Variants in AMOTL2 observed in about 807,000 individuals in gnomAD.
AMOTL2 encodes the protein angiomotin like 2, also known as angiomotin-like protein 2.
AMOTL2 carries 33 observed loss-of-function variants against 78.4 expected under a neutral mutation model. That is an observed-to-expected ratio of 0.42 (90% CI 0.32 to 0.56). The LOEUF is 0.56. Ranked by LOEUF, AMOTL2 falls within the 20% of genes least tolerant of loss-of-function variation. The pLI is 0.12. For synonymous variants in AMOTL2, 422 were observed against 428.8 expected (o/e 0.98, Z 0.20); for missense variants, 983 against 1,030.1 (o/e 0.95, Z 0.63).
intron 3 of AMOTL2, 121 bp downstream of exon 3, chr3:134,367,376 A>T: frequency 8.5e-7 from 1 of 1,174,190 alleles, no homozygotes. Context: ...ACAGAGGGAT[A>T]GGGAGAAATC....
At chr3:134,362,964 A>T (rs1490484884) in intron 5 of AMOTL2, among the ~76,000 whole-genome samples, 3 of 152,256 alleles carry the variant, frequency 2.0e-5, no homozygotes, top group African/African-American at 7.2e-5. Context: ...GAATTGTTCT[A>T]TACGGCACCC....
chr3:134,368,543 GGCATTGCTCTGTT>G (rs1480470564), intron 2 of AMOTL2, among the ~76,000 whole-genome samples: 1 of 152,170 alleles, frequency 6.6e-6, no homozygotes, highest in Non-Finnish European at 1.5e-5. Context: ...CCACAGACTG[GGCATTGCTCTGTT>G]GCATCATGAG....
Position 134,357,028 on chromosome 3 carries a change from C to T in AMOTL2, c.*677G>A, listed in dbSNP as rs1191487544. The T allele has an allele frequency of 1.3e-5, 2 of 152,778 alleles. No homozygotes were observed. The highest frequency in any genetic ancestry group is 2.9e-5 in the Non-Finnish European group (2 of 68,218). The allele number at this position is 152,778 out of a possible 1,614,324, so 9.5% of individuals were successfully genotyped here. On this transcript the variant is annotated 3_prime_UTR_variant, in exon 10 of 10. Coordinates refer to ENST00000249883, the MANE Select transcript of AMOTL2 (RefSeq NM_016201.4). ...ATGGAGACACATCGGAACCTGCAGGCCTCAGTCTTCTGTTCCACAAGAAAG... is the reference window on the plus strand; with the variant it reads ...ATGGAGACACATCGGAACCTGCAGGTCTCAGTCTTCTGTTCCACAAGAAAG...
rs758563988 is a variant in AMOTL2 at position 134,366,381 on chromosome 3, G to C, written c.1088C>G (p.Thr363Ser). ...GGCCTCACGCTTGGAGGAGGCTCTG[G>C]TCAGGCTCTCATGGGCCTCAGAGAG... ...QRLSEAHESL[T>S]RASSKREALE... Residue 363 changes from threonine (T) to serine (S), a missense_variant, in exon 4 of 10, where the codon ACC becomes AGC. Transcript: ENST00000249883. The C allele has an allele frequency of 5.0e-6, 8 of 1,613,984 alleles. No individual in the cohort carries two copies. The highest frequency in any genetic ancestry group is 6.8e-6 in the Non-Finnish European group (8 of 1,180,010).
At chr3:134,371,955 A>C in intron 1 of AMOTL2, 1 of 172,902 alleles carries the variant, frequency 5.8e-6, no homozygotes, top group Non-Finnish European at 1.3e-5. Flanking sequence ...CCTAGTTCAG[A>C]TCTAACCACT....
rs1042607372 is a variant in AMOTL2, at chr3:134,366,334, T to C, written c.1135A>G (p.Lys379Glu). ...AGCCTCCTCATTTCACTGTCCATCTTGTTCCGCATGGTCTTCTCCAGGGCC... is the reference window on the plus strand; with the variant it reads ...AGCCTCCTCATTTCACTGTCCATCTCGTTCCGCATGGTCTTCTCCAGGGCC... ...REALEKTMRN[K>E]MDSEMRRLQD... Residue 379 changes from lysine to glutamate, a missense_variant, in exon 4 of 10, where the codon AAG (lysine) becomes GAG (glutamate). Transcript: ENST00000249883. The C allele has an allele frequency of 1.7e-5, 27 of 1,614,064 alleles. No homozygotes were observed. In the East Asian group the frequency reaches 6.0e-4, roughly 36 times the overall value.
Position 134,357,585 on chromosome 3 carries a change from A to G in AMOTL2, c.*120T>C. 9.6e-7 allele frequency: 1 copy of G among 1,042,960 alleles called. No individual in the cohort carries two copies. Among genetic ancestry groups the G allele is most frequent in the Non-Finnish European group, 1.5e-6 (1 of 667,396 alleles). 64.6% of individuals were successfully genotyped at this position (1,042,960 alleles called of 1,614,324 possible). The stretch of plus-strand genomic sequence containing the variant: ...TCCTGGGACCAGATGGTCAATGGGA[A>G]TGAGTGTCTGGCTGGGGAAAGGGAC... On this transcript the variant is annotated 3_prime_UTR_variant, in exon 10 of 10. Transcript: ENST00000249883.
Position 134,370,864 on chromosome 3 carries a change from G to C in AMOTL2, c.570C>G (p.Asn190Lys), listed in dbSNP as rs776030138. 9.3e-6 allele frequency: 15 copies of C among 1,606,912 alleles called. No individual in the cohort carries two copies. The highest frequency in any genetic ancestry group is 1.3e-5 in the Non-Finnish European group (15 of 1,175,298). Residue 190 changes from asparagine to lysine, a missense_variant, in exon 2 of 10, where the codon AAC becomes AAG. Transcript: ENST00000249883. Reference protein sequence around the residue: ...SSHSFPQLARNQQGPPLRGPP... With the variant: ...SSHSFPQLARKQQGPPLRGPP... ...GGCCCCTCAGTGGGGGGCCCTGCTGGTTGCGGGCCAGCTGTGGGAAGCTGT... is the reference window on the plus strand; with the variant it reads ...GGCCCCTCAGTGGGGGGCCCTGCTGCTTGCGGGCCAGCTGTGGGAAGCTGT...
intron 6 of AMOTL2, 105 bp from the exon 7 acceptor site, chr3:134,360,518 G>T: frequency 1.0e-6 from 1 of 954,476 alleles, no homozygotes; most frequent in Non-Finnish European, 1.6e-6. Flanking sequence ...TACGTGTTCA[G>T]CCATACACAG....
At position 134,367,616 on chromosome 3, in the gene AMOTL2, T is replaced by C; in HGVS notation, c.922A>G (p.Ser308Gly). The C allele has an allele frequency of 1.2e-6, 2 of 1,613,484 alleles. No individual in the cohort carries two copies. Among genetic ancestry groups the C allele is most frequent in the Non-Finnish European group, 1.7e-6 (2 of 1,180,050 alleles). ...SAQASSATSG[S>G]AHLAQMEAVL... ...GCCTCCATCTGGGCCAGGTGGGCAC[T>C]GCCCGAGGTGGCTGAGGAGGCCTGG... The change falls in exon 3 of 10, where the codon AGT becomes GGT. Residue 308 changes from serine (S) to glycine (G), a missense_variant. Coordinates refer to ENST00000249883, the MANE Select transcript of AMOTL2 (RefSeq NM_016201.4).
At chr3:134,358,774 A>G (rs2017204059) in intron 8 of AMOTL2, 55 bp from the exon 9 acceptor site, 1 of 1,600,752 alleles carries the variant, frequency 6.2e-7, no homozygotes. Flanking sequence ...GCCCTGGTGA[A>G]GGACACTCTA....
intron 2 of AMOTL2, among the ~76,000 whole-genome samples, chr3:134,368,519 C>T (rs932889263): frequency 3.9e-5 from 6 of 152,170 alleles, no homozygotes; most frequent in Non-Finnish European, 8.8e-5. Context: ...TAACCTTGGG[C>T]GAGTGCCTCA....
chr3:134,363,907 C>T (rs2017483384), intron 5 of AMOTL2, among the ~76,000 whole-genome samples: 1 of 152,236 alleles, frequency 6.6e-6, no homozygotes, highest in African/African-American at 2.4e-5. Flanking sequence ...CTGGTGGGGG[C>T]TGGGAGGCTT....
intron 2 of AMOTL2, among the ~76,000 whole-genome samples, chr3:134,370,016 C>T (rs558471935): frequency 2.1e-4 from 32 of 152,346 alleles, no homozygotes; most frequent in African/African-American, 7.0e-4. Flanking sequence ...AATCACATCC[C>T]CTGAGGGCCT....
At chr3:134,365,945 G>A (rs2017586393) in intron 4 of AMOTL2, 36 bp from the exon 5 acceptor site, 4 of 1,600,454 alleles carry the variant, frequency 2.5e-6, no homozygotes, top group East Asian at 2.2e-5. Context: ...TTAGTGTCAG[G>A]TGAAGCTGCC....
chr3:134,361,351 A>T (rs1450798151), intron 6 of AMOTL2, among the ~76,000 whole-genome samples, 161 bp downstream of exon 6: 1 of 152,208 alleles, frequency 6.6e-6, no homozygotes, highest in Non-Finnish European at 1.5e-5. Flanking sequence ...AAGGTGGAGC[A>T]GAGAGCAATC....
intron 4 of AMOTL2, 133 bp downstream of exon 4, chr3:134,366,150 G>A (rs2017595008): frequency 4.0e-6 from 5 of 1,260,066 alleles, no homozygotes; most frequent in Admixed American, 2.1e-5. Flanking sequence ...AGCTCCAAAG[G>A]GGTCTCAGCC....
At chr3:134,362,840 T>A (rs1356184667) in intron 5 of AMOTL2, among the ~76,000 whole-genome samples, 1 of 152,184 alleles carries the variant, frequency 6.6e-6, no homozygotes, top group Non-Finnish European at 1.5e-5. Flanking sequence ...GCAGGTCAGC[T>A]GCCTACCTTG....
rs371070499 is a variant in AMOTL2, at chr3:134,361,524, C to A, written c.1563G>T (p.Leu521=). ...RTRLEQELKA[L]RAQQRQAGAP... is the part of the protein sequence containing the mutation. ...TTTCTCAGCTCACCTGCTGTGCACG[C>A]AGGGCCTTGAGTTCCTGCTCCAGGC... Residue 521 remains leucine (L), a synonymous_variant, in exon 6 of 10, where the codon CTG becomes CTT. Transcript: ENST00000249883. 59 of 1,609,938 alleles carry A rather than the reference C, an allele frequency of 3.7e-5. No homozygotes were observed. The highest frequency in any genetic ancestry group is 4.9e-5 in the Non-Finnish European group (58 of 1,178,046).
Sources: allele counts gnomAD v4.1 joint callset (sites outside exome capture counted in the v4.1 genomes callset), GRCh38; gene constraint gnomAD v4.1.1; transcripts MANE v1.5; gene names NCBI Gene and HGNC (gene_info 2026-07-23, HGNC 2026-07-21).